Variants in VTCN1 observed in about 807,000 individuals in gnomAD.
VTCN1 encodes V-set domain-containing T-cell activation inhibitor 1.
A neutral mutation model predicts 26.5 loss-of-function variants in VTCN1; 26 were observed. The ratio of observed to expected loss-of-function variants is 0.98; its 90% confidence interval spans 0.72 to 1.36. The LOEUF (loss-of-function observed/expected upper bound fraction) is 1.36. Among genes scored for constraint, VTCN1 ranks in the 40% most tolerant of loss-of-function variants. The pLI, the probability that VTCN1 is intolerant of heterozygous loss-of-function variation, is 0.00. For missense variants in VTCN1, 298 were observed against 337.7 expected, an observed-to-expected ratio of 0.88 and a Z score of 0.92; for synonymous variants, 116 against 130.7, an observed-to-expected ratio of 0.89 and a Z score of 0.77.
At chr1:117,148,788 T>C (rs1186182887) in intron 4 of VTCN1, among the ~76,000 whole-genome samples, 3 of 151,680 alleles carry the variant, frequency 2.0e-5, no homozygotes, top group Non-Finnish European at 1.5e-5. Context: ...GTGCTGAAAA[T>C]ATGTTAATAG....
In VTCN1 at chr1:117,153,376, G is replaced by A. The variant is rs1261340437; in HGVS notation, c.446-7C>T. The A allele has an allele frequency of 6.3e-7, 1 of 1,596,548 alleles. No homozygotes were observed. The highest frequency in any genetic ancestry group is 8.6e-7 in the Non-Finnish European group (1 of 1,167,584). On this transcript the variant is annotated splice_polypyrimidine_tract_variant and splice_region_variant and intron_variant, in intron 3 of 5. Transcript: ENST00000369458. ...ACTTCCGGCATGCTGAAGGCTGCAG[G>A]GTCAAAAGTCAGAAAGGGCAGATGC... is the stretch of plus-strand genomic sequence containing the variant.
At chr1:117,185,837 A>G (rs1416002834) in intron 1 of VTCN1, among the ~76,000 whole-genome samples, 2 of 152,090 alleles carry the variant, frequency 1.3e-5, no homozygotes, top group East Asian at 3.9e-4. Flanking sequence ...CCCAACCCCC[A>G]CTTCAAGTTG....
intron 1 of VTCN1, among the ~76,000 whole-genome samples, chr1:117,180,077 G>T (rs1647595939): frequency 2.0e-5 from 3 of 152,080 alleles, no homozygotes; most frequent in African/African-American, 4.8e-5. Context: ...CTGATGGAAG[G>T]ACAGCACATA....
chr1:117,150,282 A>AC (rs1389290591), intron 4 of VTCN1, among the ~76,000 whole-genome samples: 1 of 152,188 alleles, frequency 6.6e-6, no homozygotes, highest in African/African-American at 2.4e-5. Context: ...TGAGTAAGAG[A>AC]TTTTTAAATA....
intron 1 of VTCN1, among the ~76,000 whole-genome samples, chr1:117,176,758 T>C (rs568642467): frequency 1.4e-4 from 22 of 152,278 alleles, no homozygotes; most frequent in African/African-American, 5.1e-4. Context: ...GGTGACTAGG[T>C]TTATAAAGAA....
At chr1:117,154,935 G>A (rs1651992742) in intron 3 of VTCN1, among the ~76,000 whole-genome samples, 1 of 152,012 alleles carries the variant, frequency 6.6e-6, no homozygotes, top group Non-Finnish European at 1.5e-5. Flanking sequence ...ATTCCTTCCA[G>A]AACACCACCA....
chr1:117,185,345 G>T (rs1360472591), intron 1 of VTCN1, among the ~76,000 whole-genome samples: 1 of 152,158 alleles, frequency 6.6e-6, no homozygotes, highest in African/African-American at 2.4e-5. Flanking sequence ...CTACTTCATG[G>T]AAGCCAACCA....
intron 1 of VTCN1, among the ~76,000 whole-genome samples, chr1:117,196,836 C>A (rs114672230): frequency 0.013 from 2,056 of 152,300 alleles, 19 homozygotes; most frequent in Middle Eastern, 0.034. Flanking sequence ...ACATGGCTCA[C>A]AAACTACCCC....
intron 4 of VTCN1, among the ~76,000 whole-genome samples, chr1:117,148,943 G>A (rs200092812): frequency 2.2e-4 from 33 of 152,240 alleles, no homozygotes; most frequent in Middle Eastern, 3.4e-3. Context: ...GAATGTACAC[G>A]GGCTTCCTGA....
At chr1:117,166,680 GAA>G (rs1652629569) in intron 2 of VTCN1, among the ~76,000 whole-genome samples, 1 of 146,568 alleles carries the variant, frequency 6.8e-6, no homozygotes, top group African/African-American at 2.5e-5. Context: ...GAAAGAAAAA[GAA>G]AAAAAGAGTT....
intron 1 of VTCN1, among the ~76,000 whole-genome samples, chr1:117,198,823 A>G (rs1431885320): frequency 2.6e-5 from 4 of 152,212 alleles, no homozygotes; most frequent in Non-Finnish European, 4.4e-5. Context: ...AATCCTCCCT[A>G]TACTTTTATG....
intron 1 of VTCN1, among the ~76,000 whole-genome samples, chr1:117,202,617 G>A (rs570079165): frequency 1.3e-5 from 2 of 152,352 alleles, no homozygotes; most frequent in Admixed American, 6.5e-5. Context: ...AGCGCTTTAT[G>A]TCTTAGCTCA....
chr1:117,168,025 A>G (rs2101510384), intron 2 of VTCN1, among the ~76,000 whole-genome samples: 1 of 152,252 alleles, frequency 6.6e-6, no homozygotes. Flanking sequence ...GAAATTATGA[A>G]CAGGAAAAGA....
At chr1:117,154,404 T>C (rs1478186075) in intron 3 of VTCN1, among the ~76,000 whole-genome samples, 9 of 152,188 alleles carry the variant, frequency 5.9e-5, no homozygotes, top group Admixed American at 5.9e-4. Flanking sequence ...TACAGAAAAG[T>C]TGCATAGAAG....
Position 117,167,470 on chromosome 1 carries a change from T to C in VTCN1, c.97+2637A>G, listed in dbSNP as rs117262855. Among the ~76,000 whole-genome samples the C allele has an allele frequency of 6.6e-6, 1 of 152,260 alleles. No homozygotes were observed. Among genetic ancestry groups the C allele is most frequent in the Non-Finnish European group, 1.5e-5 (1 of 68,040 alleles). ...TAGAATCATACAGAACTTACTCTTT[T>C]GTGCTCTTCTGTAGTTCCACATTAT... On this transcript the variant is annotated intron_variant, in intron 2 of 5. Coordinates refer to ENST00000369458, the MANE Select transcript of VTCN1 (RefSeq NM_024626.4). The surrounding 1 kb of genome is among the most constrained non-coding windows in gnomAD (Gnocchi z 4.1).
chr1:117,195,116 G>T (rs1452131767), intron 1 of VTCN1, among the ~76,000 whole-genome samples: 3 of 151,844 alleles, frequency 2.0e-5, no homozygotes, highest in African/African-American at 7.3e-5. Flanking sequence ...ACAAAAATCA[G>T]CCAGGCATGA....
At chr1:117,185,427 C>T (rs1647885814) in intron 1 of VTCN1, among the ~76,000 whole-genome samples, 1 of 152,172 alleles carries the variant, frequency 6.6e-6, no homozygotes, top group Non-Finnish European at 1.5e-5. Context: ...ATGTCCTGAT[C>T]AGTGCCAAAG....
chr1:117,150,064 T>C (rs1651710527), intron 4 of VTCN1, among the ~76,000 whole-genome samples: 1 of 152,216 alleles, frequency 6.6e-6, no homozygotes, highest in Non-Finnish European at 1.5e-5. Context: ...CTTGGAGCTT[T>C]TTACTGGGAA....
chr1:117,167,297 C>G lies in VTCN1; in HGVS notation c.97+2810G>C, dbSNP rs1652669167. On this transcript the variant is annotated intron_variant, in intron 2 of 5. Coordinates refer to ENST00000369458, the MANE Select transcript of VTCN1 (RefSeq NM_024626.4). The surrounding 1 kb of genome is among the most constrained non-coding windows in gnomAD (Gnocchi z 4.1). The stretch of plus-strand genomic sequence containing the variant: ...TTATTCCATGTAACCATCATCACAC[C>G]AAGAAATAGAACCTTACTGCCCTCC... Among the ~76,000 whole-genome samples, 1 of 152,002 alleles carries G rather than the reference C, an allele frequency of 6.6e-6. No homozygotes were observed. Among genetic ancestry groups the G allele is most frequent in the Admixed American group, 6.5e-5 (1 of 15,274 alleles).
Sources: allele counts gnomAD v4.1 joint callset (sites outside exome capture counted in the v4.1 genomes callset), GRCh38; gene constraint gnomAD v4.1.1; non-coding constraint Gnocchi (gnomAD v3.1); transcripts MANE v1.5; gene names NCBI Gene and HGNC (gene_info 2026-07-23, HGNC 2026-07-21).